TBC1D1: variants seen among roughly 807,000 people sequenced by gnomAD.
TBC1D1 encodes the protein TBC1 (tre-2/USP6, BUB2, cdc16) domain family, member 1.
A neutral mutation model predicts 125.6 loss-of-function variants in TBC1D1; 89 were observed. The ratio of observed to expected loss-of-function variants is 0.71; its 90% confidence interval spans 0.60 to 0.85. The LOEUF is 0.85. Among genes scored for constraint, TBC1D1 ranks in the 40% least tolerant of loss-of-function variants. The pLI is 0.00. For missense variants in TBC1D1, 1,377 were observed against 1,469.2 expected, an observed-to-expected ratio of 0.94 and a Z score of 1.03; for synonymous variants, 565 against 564.1, an observed-to-expected ratio of 1.00 and a Z score of -0.02.
chr4:38,132,035 T>C (rs560114072), intron 18 of TBC1D1, among the ~76,000 whole-genome samples: 31 of 152,348 alleles, frequency 2.0e-4, no homozygotes, highest in African/African-American at 7.2e-4. Flanking sequence ...GATAGGCTAG[T>C]TTGAATGCCA....
chr4:37,948,773 G>A (rs750473023), intron 2 of TBC1D1, among the ~76,000 whole-genome samples: 2 of 152,032 alleles, frequency 1.3e-5, no homozygotes, highest in African/African-American at 2.4e-5. Context: ...GTCACCCCCC[G>A]TCTTCCTCCC....
rs186489087 is a variant in TBC1D1 at position 38,023,714 on chromosome 4, G to A, written c.1210+1996G>A. Among the ~76,000 whole-genome samples, 304 of 152,106 alleles carry A rather than the reference G, an allele frequency of 2.0e-3. 2 individuals carry two copies. Among genetic ancestry groups the A allele is most frequent in the Middle Eastern group, 3.4e-3 (1 of 294 alleles). On this transcript the variant is annotated intron_variant, in intron 6 of 19. Coordinates refer to ENST00000261439, the MANE Select transcript of TBC1D1 (RefSeq NM_015173.4). ...CCACATTTTGTTGATCCATTTACTCGTCCGTGGACATTTGGGTTCCTTCCC... is the reference window on the plus strand; with the variant it reads ...CCACATTTTGTTGATCCATTTACTCATCCGTGGACATTTGGGTTCCTTCCC...
rs1239219926 is a variant in TBC1D1 at position 38,021,137 on chromosome 4, G to A, written c.1077+442G>A. 2.6e-5 allele frequency among the ~76,000 whole-genome samples: 4 copies of A among 152,360 alleles called. No homozygotes were observed. In the East Asian group the frequency reaches 7.7e-4, roughly 29 times the overall value. On this transcript the variant is annotated intron_variant, in intron 5 of 19. Coordinates refer to ENST00000261439, the MANE Select transcript of TBC1D1 (RefSeq NM_015173.4). ...CCTCACAATCATGGCGGAAGGTGAA[G>A]GAGGAGCAAAGGCACATCTTACATG...
Position 37,977,142 on chromosome 4 carries a change from C to T in TBC1D1, c.418-37367C>T, listed in dbSNP as rs569758798. Among the ~76,000 whole-genome samples, 762 of 152,280 alleles carry T rather than the reference C, an allele frequency of 5.0e-3. 12 individuals carry two copies. The highest frequency in any genetic ancestry group is 0.018 in the African/African-American group (732 of 41,576). ...CCAGCCTCCAGGGTTTCCTGCGCAG[C>T]CCTGGGCATCTCGGAAGGGGGCGAC... is the stretch of plus-strand genomic sequence containing the variant. On this transcript the variant is annotated intron_variant, in intron 2 of 19. Transcript: ENST00000261439. The surrounding 1 kb of genome is among the most constrained non-coding windows in gnomAD (Gnocchi z 4.3).
At chr4:38,081,464 G>A (rs747004425) in intron 12 of TBC1D1, among the ~76,000 whole-genome samples, 10 of 152,114 alleles carry the variant, frequency 6.6e-5, no homozygotes, top group South Asian at 4.2e-4. Context: ...CTATTGTTGC[G>A]AGGAGCCCCT....
chr4:38,008,161 A>G (rs10517464), intron 2 of TBC1D1, among the ~76,000 whole-genome samples: 30,147 of 152,200 alleles, frequency 0.2, 3,127 homozygotes, highest in East Asian at 0.22. Context: ...CAGTGATTCC[A>G]TGAAGTCTAT....
At chr4:37,973,071 T>C (rs537038058) in intron 2 of TBC1D1, among the ~76,000 whole-genome samples, 1 of 152,302 alleles carries the variant, frequency 6.6e-6, no homozygotes, top group South Asian at 2.1e-4. Context: ...GTCACGTATA[T>C]TTCTTAAAAT....
chr4:37,928,171 G>T (rs1261376811), intron 2 of TBC1D1, among the ~76,000 whole-genome samples: 1 of 152,086 alleles, frequency 6.6e-6, no homozygotes, highest in Admixed American at 6.5e-5. Context: ...CTTAGAATAG[G>T]GCCTGGCATA....
intron 2 of TBC1D1, among the ~76,000 whole-genome samples, chr4:37,975,961 A>T (rs921876146): frequency 2.6e-5 from 4 of 152,008 alleles, no homozygotes; most frequent in Admixed American, 6.6e-5. Flanking sequence ...ATCCCCCATG[A>T]TCCTCTCCTT....
intron 10 of TBC1D1, among the ~76,000 whole-genome samples, chr4:38,046,661 T>G (rs1349210893): frequency 5.9e-5 from 9 of 152,192 alleles, no homozygotes; most frequent in African/African-American, 2.2e-4. Context: ...GTGGGGAAAT[T>G]AAATTTCTGA....
chr4:37,899,362 ATATTTAATGGCC>A (rs1715338290), intron 1 of TBC1D1, among the ~76,000 whole-genome samples: 1 of 152,124 alleles, frequency 6.6e-6, no homozygotes, highest in Non-Finnish European at 1.5e-5. Context: ...CCAGATAGAA[ATATTTAATGGCC>A]TATATGGATC....
Position 37,995,736 on chromosome 4 carries a change from G to C in TBC1D1, c.418-18773G>C, listed in dbSNP as rs147117482. On this transcript the variant is annotated intron_variant, in intron 2 of 19. Transcript: ENST00000261439. This position sits in a 1 kb window ranked among gnomAD's most constrained non-coding sequence, Gnocchi z 4.3. ...AGTATTTGGAAATGGTTGTCTGGACGGCTTGCACTTTGGTCTTAACTGCAT... is the reference window on the plus strand; with the variant it reads ...AGTATTTGGAAATGGTTGTCTGGACCGCTTGCACTTTGGTCTTAACTGCAT... 484 of 528,706 alleles carry C rather than the reference G, an allele frequency of 9.2e-4. 1 individual carries two copies. The highest frequency in any genetic ancestry group is 1.3e-3 in the Non-Finnish European group (351 of 263,874). The allele number at this position is 528,706 out of a possible 1,614,324, so 32.8% of individuals were successfully genotyped here. A position where few individuals can be genotyped will look rare whatever the true frequency, so the allele number is the denominator to read the frequency against.
At chr4:37,971,585 T>C (rs1427263670) in intron 2 of TBC1D1, among the ~76,000 whole-genome samples, 1 of 152,150 alleles carries the variant, frequency 6.6e-6, no homozygotes, top group Admixed American at 6.5e-5. Flanking sequence ...AAGATGAGAT[T>C]TGGGTGGGGA....
chr4:38,091,504 A>C (rs1758421163), intron 13 of TBC1D1, among the ~76,000 whole-genome samples: 1 of 152,272 alleles, frequency 6.6e-6, no homozygotes, highest in Non-Finnish European at 1.5e-5. Flanking sequence ...GCTCGGGAGC[A>C]CAGCAGTTAT....
chr4:38,087,845 CAAAAAAA>C (rs1215951890), intron 12 of TBC1D1, among the ~76,000 whole-genome samples: 2 of 67,880 alleles, frequency 2.9e-5, no homozygotes, highest in Non-Finnish European at 5.9e-5. Flanking sequence ...GATTCCGTCT[CAAAAAAA>C]AAAAAAAAAA....
intron 6 of TBC1D1, among the ~76,000 whole-genome samples, chr4:38,025,627 C>T (rs907599047): frequency 2.6e-5 from 4 of 152,164 alleles, no homozygotes; most frequent in African/African-American, 7.2e-5. Flanking sequence ...GGTTTATTCT[C>T]CACATCTGAA....
chr4:37,914,993 T>A (rs1719417163), intron 2 of TBC1D1, among the ~76,000 whole-genome samples: 2 of 152,234 alleles, frequency 1.3e-5, no homozygotes, highest in African/African-American at 4.8e-5. Context: ...TCAGATATTA[T>A]CATTGTCCAA....
rs573709406 is a variant in TBC1D1, at chr4:37,983,899, C to T, written c.418-30610C>T. On this transcript the variant is annotated intron_variant, in intron 2 of 19. Transcript: ENST00000261439. Reference sequence around the variant, plus strand: ...CATTGCCCTACCAGTCCTCTGTGATCGATTCATCCCTCCCTTCCTATAAGC... The same window carrying T: ...CATTGCCCTACCAGTCCTCTGTGATTGATTCATCCCTCCCTTCCTATAAGC... 7.9e-5 allele frequency among the ~76,000 whole-genome samples: 12 copies of T among 152,276 alleles called. 1 individual carries two copies. In the South Asian group the frequency reaches 1.7e-3, roughly 21 times the overall value.
rs1743810347 is a variant in TBC1D1, at chr4:38,020,616, G to C, written c.998G>C (p.Gly333Ala). 1 of 1,612,958 alleles carries C rather than the reference G, an allele frequency of 6.2e-7. No individual in the cohort carries two copies. The change falls in exon 5 of 20, where the codon GGG becomes GCG. Residue 333 changes from glycine (G) to alanine (A), a missense_variant. By Grantham distance (60) the Gly-to-Ala change is moderately conservative. Transcript: ENST00000261439. ...GGCATCAGACACGTGGACCACTTTG[G>C]GTTTATCTGTCGGGAGTCTTCCGGA...
Sources: allele counts gnomAD v4.1 joint callset (sites outside exome capture counted in the v4.1 genomes callset), GRCh38; gene constraint gnomAD v4.1.1; non-coding constraint Gnocchi (gnomAD v3.1); transcripts MANE v1.5; gene names NCBI Gene and HGNC (gene_info 2026-07-23, HGNC 2026-07-21).